The following CTNNA2 variants were observed in gnomAD, a reference collection of about 807,000 sequenced individuals.
CTNNA2 encodes catenin alpha-2.
CTNNA2 carries 42 observed loss-of-function variants against 101.0 expected under a neutral mutation model. The ratio of observed to expected loss-of-function variants is 0.42; its 90% CI spans 0.32 to 0.54. The LOEUF is 0.54. Ranked by LOEUF, CTNNA2 falls within the 20% of genes least tolerant of loss-of-function variation. The pLI is 0.14. For missense variants in CTNNA2, 871 were observed against 1,223.1 expected (o/e 0.71, Z 4.29); for synonymous variants, 450 against 456.4 (o/e 0.99, Z 0.18).
At chr2:79,410,582 G>T (rs1678398229) in intron 4 of CTNNA2, among the ~76,000 whole-genome samples, 1 of 152,060 alleles carries the variant, frequency 6.6e-6, no homozygotes, top group Non-Finnish European at 1.5e-5. Flanking sequence ...CTTTGGTTCA[G>T]TTTATATGCT....
At chr2:79,964,921 G>C (rs1302255247) in intron 7 of CTNNA2, among the ~76,000 whole-genome samples, 1 of 152,168 alleles carries the variant, frequency 6.6e-6, no homozygotes, top group African/African-American at 2.4e-5. Flanking sequence ...CTCATCCTAT[G>C]TGTAGGTGGG....
rs1374731617 is a variant in CTNNA2, at chr2:80,626,206, A to G, written c.2574+6978A>G. Among the ~76,000 whole-genome samples the G allele has an allele frequency of 3.3e-5, 5 of 152,246 alleles. No homozygotes were observed. The East Asian group carries it at 9.7e-4, about 30-fold the overall frequency. ...TCAACTACAAATGATGAAACATACAACTAGAGTTATTTCTCTCTCACATGG... is the reference window on the plus strand; with the variant it reads ...TCAACTACAAATGATGAAACATACAGCTAGAGTTATTTCTCTCTCACATGG... On this transcript the variant is annotated intron_variant, in intron 18 of 18. Transcript: ENST00000402739.
At chr2:79,263,643 T>G (rs1674951386) in intron 2 of CTNNA2, among the ~76,000 whole-genome samples, 2 of 152,202 alleles carry the variant, frequency 1.3e-5, no homozygotes, top group African/African-American at 4.8e-5. Context: ...GCAGCAGTAT[T>G]GAGAGGCAGG....
chr2:79,226,066 T>A (rs1364140028), intron 2 of CTNNA2, among the ~76,000 whole-genome samples: 2 of 152,182 alleles, frequency 1.3e-5, no homozygotes, highest in East Asian at 3.9e-4. Context: ...TTTTCTTTTA[T>A]TTTGGACTTT....
intron 8 of CTNNA2, among the ~76,000 whole-genome samples, chr2:80,403,540 A>G (rs555251855): frequency 1.3e-5 from 2 of 152,314 alleles, no homozygotes; most frequent in Admixed American, 1.3e-4. Flanking sequence ...AATGGAGAAC[A>G]CTTTAATACT....
chr2:80,303,930 G>A lies in CTNNA2; in HGVS notation c.1057-89281G>A. 1 of 1,306,860 alleles carries A rather than the reference G, an allele frequency of 7.7e-7. No individual in the cohort carries two copies. The highest frequency in any genetic ancestry group is 2.1e-5 in the South Asian group (1 of 48,268). The allele number at this position is 1,306,860 out of a possible 1,614,324, so 81.0% of individuals were successfully genotyped here. Reference sequence around the variant, plus strand: ...GGGAAGCGGGGGAGGGGGAGAAAAGGGCAAAAAATCAAATAAATACATAGA... The same window carrying A: ...GGGAAGCGGGGGAGGGGGAGAAAAGAGCAAAAAATCAAATAAATACATAGA... On this transcript the variant is annotated intron_variant, in intron 7 of 18. Coordinates refer to ENST00000402739, the MANE Select transcript of CTNNA2 (RefSeq NM_001282597.3). This position sits in a 1 kb window ranked among gnomAD's most constrained non-coding sequence, Gnocchi z 7.7.
At chr2:79,559,944 A>G (rs1674674459) in intron 1 of CTNNA2, among the ~76,000 whole-genome samples, 1 of 151,870 alleles carries the variant, frequency 6.6e-6, no homozygotes. Flanking sequence ...ACAGAAAAAA[A>G]AAGTTGGGGC....
chr2:80,347,073 A>G (rs979013903), intron 7 of CTNNA2, among the ~76,000 whole-genome samples: 3 of 152,188 alleles, frequency 2.0e-5, no homozygotes, highest in African/African-American at 4.8e-5. Flanking sequence ...AGTCTTTGCT[A>G]TCTGTGGACT....
intron 7 of CTNNA2, among the ~76,000 whole-genome samples, chr2:80,208,789 T>C (rs906678514): frequency 2.6e-5 from 4 of 152,240 alleles, no homozygotes; most frequent in African/African-American, 9.6e-5. Flanking sequence ...TCATCCGTTG[T>C]GTTAATTAAC....
chr2:79,952,868 G>T (rs561640540), intron 7 of CTNNA2, among the ~76,000 whole-genome samples: 2 of 152,296 alleles, frequency 1.3e-5, no homozygotes, highest in African/African-American at 4.8e-5. Context: ...GTTCTATGGA[G>T]AAACAGTCTG....
chr2:79,567,752 A>T (rs999170670), intron 1 of CTNNA2, among the ~76,000 whole-genome samples: 6 of 152,078 alleles, frequency 3.9e-5, no homozygotes, highest in Non-Finnish European at 7.4e-5. Flanking sequence ...GAGCCAAGGG[A>T]TGTATTCCAC....
intron 7 of CTNNA2, among the ~76,000 whole-genome samples, chr2:80,310,442 A>G (rs912121178): frequency 2.7e-4 from 41 of 152,156 alleles, no homozygotes; most frequent in Admixed American, 2.6e-4. Flanking sequence ...GACATCTGGC[A>G]TAAGACTTTG....
intron 7 of CTNNA2, among the ~76,000 whole-genome samples, chr2:80,028,586 T>C (rs1261422147): frequency 6.6e-6 from 1 of 152,248 alleles, no homozygotes; most frequent in Non-Finnish European, 1.5e-5. Context: ...AGGTGACACC[T>C]GTAATATATT....
intron 3 of CTNNA2, among the ~76,000 whole-genome samples, chr2:79,784,876 C>T (rs1456343489): frequency 6.6e-5 from 10 of 151,814 alleles, no homozygotes; most frequent in Non-Finnish European, 1.2e-4. Context: ...AAAAAACAGG[C>T]GAAACTTACT....
chr2:80,139,385 T>C (rs184221767), intron 7 of CTNNA2, among the ~76,000 whole-genome samples: 3 of 152,344 alleles, frequency 2.0e-5, no homozygotes, highest in Admixed American at 6.5e-5. Flanking sequence ...GATGTTGCTC[T>C]GTTGTCTCTG....
chr2:79,739,428 T>C (rs1247484696), intron 2 of CTNNA2, among the ~76,000 whole-genome samples: 2 of 152,202 alleles, frequency 1.3e-5, no homozygotes, highest in African/African-American at 4.8e-5. Flanking sequence ...CTTGTCCTCA[T>C]AGGGCCCATG....
At chr2:80,514,826 G>A (rs1688986251) in intron 9 of CTNNA2, among the ~76,000 whole-genome samples, 2 of 152,268 alleles carry the variant, frequency 1.3e-5, no homozygotes, top group South Asian at 4.1e-4. Flanking sequence ...GCTGTAGGTA[G>A]TTTTGGAAAA....
chr2:80,063,419 A>G (rs1697746727), intron 7 of CTNNA2, among the ~76,000 whole-genome samples: 1 of 152,258 alleles, frequency 6.6e-6, no homozygotes, highest in East Asian at 1.9e-4. Flanking sequence ...ATTCTCAAAA[A>G]CATTTATGAA....
chr2:80,499,071 C>T (rs911836398), intron 9 of CTNNA2, among the ~76,000 whole-genome samples: 5 of 152,160 alleles, frequency 3.3e-5, no homozygotes, highest in African/African-American at 4.8e-5. Context: ...TTTTCAAGAG[C>T]GTTAGGAAGG....
Sources: gnomAD v4.1 joint callset for allele counts (sites outside exome capture counted in the v4.1 genomes callset) on GRCh38, gnomAD v4.1.1 for gene constraint, Gnocchi (gnomAD v3.1) non-coding constraint, MANE v1.5 for transcripts, NCBI Gene and HGNC (gene_info 2026-07-23, HGNC 2026-07-21) for gene names.